The following EMP1 variants were observed in gnomAD, a reference collection of about 807,000 sequenced individuals.
The protein encoded by EMP1 is tumor-associated membrane protein.
Under a neutral mutation model 15.7 loss-of-function variants are expected in EMP1, and 5 were observed. The observed-to-expected ratio is 0.32, with a 90% confidence interval of 0.17 to 0.67. The LOEUF is 0.67. Among genes scored for constraint, EMP1 ranks in the 30% least tolerant of loss-of-function variants. The pLI, the probability that EMP1 is intolerant of heterozygous loss-of-function variation, is 0.74. For synonymous variants in EMP1, 78 were observed against 76.7 expected, an observed-to-expected ratio of 1.02 and a Z score of -0.09; for missense variants, 166 against 194.2, an observed-to-expected ratio of 0.85 and a Z score of 0.86.
rs921380035 is a variant in EMP1, at chr12:13,214,825, A to G, written c.*134A>G. The G allele has an allele frequency of 3.1e-6, 2 of 647,904 alleles. No individual in the cohort carries two copies. Among genetic ancestry groups the G allele is most frequent in the Non-Finnish European group, 5.1e-6 (2 of 391,760 alleles). The allele number at this position is 647,904 out of a possible 1,614,324, so 40.1% of individuals were successfully genotyped here. On this transcript the variant is annotated 3_prime_UTR_variant, in exon 5 of 5. Transcript: ENST00000256951. ...GGGGGAAGCAAAGGGGGGAGGTCAA[A>G]TCCCAAACCATTACTGAGGGGATTC...
rs1565581647 is a variant in EMP1, at chr12:13,219,552, A to G, written c.*4861A>G. On this transcript the variant is annotated 3_prime_UTR_variant, in exon 5 of 5. Transcript: ENST00000256951. ...TTTATAGCAATGCCCCACTCCTGGT[A>G]CCAAATTCCTGTATTAGTCTGTTTT... The G allele has an allele frequency of 1.3e-5, 2 of 152,234 alleles. No individual in the cohort carries two copies. The highest frequency in any genetic ancestry group is 2.9e-5 in the Non-Finnish European group (2 of 68,036). The allele number at this position is 152,234 out of a possible 1,614,324, so 9.4% of individuals were successfully genotyped here.
At chr12:13,199,169 A>G (rs975844996) in intron 1 of EMP1, 3 of 152,382 alleles carry the variant, frequency 2.0e-5, no homozygotes, top group Admixed American at 6.5e-5. Context: ...GAATCTGGCT[A>G]TCTCCCAGGA....
chr12:13,198,329 A>G (rs1864032741), intron 1 of EMP1, among the ~76,000 whole-genome samples: 1 of 152,074 alleles, frequency 6.6e-6, no homozygotes, highest in Non-Finnish European at 1.5e-5. Flanking sequence ...CCATTTCAAC[A>G]TAGACACTGG....
In EMP1 at chr12:13,215,242, G is replaced by T. The variant is rs1329852867; in HGVS notation, c.*551G>T. 6.5e-6 allele frequency: 1 copy of T among 152,890 alleles called. No homozygotes were observed. The highest frequency in any genetic ancestry group is 1.5e-5 in the Non-Finnish European group (1 of 68,590). The allele number at this position is 152,890 out of a possible 1,614,324, so 9.5% of individuals were successfully genotyped here. On this transcript the variant is annotated 3_prime_UTR_variant, in exon 5 of 5. Coordinates refer to ENST00000256951, the MANE Select transcript of EMP1 (RefSeq NM_001423.3). The stretch of plus-strand genomic sequence containing the variant: ...TTTGGAACAGATATTTAGCTCTGTG[G>T]AATTCAGTGACAAAATGGGAGGAGG...
intron 1 of EMP1, among the ~76,000 whole-genome samples, chr12:13,198,256 C>CT (rs1021035483): frequency 6.6e-6 from 1 of 151,924 alleles, no homozygotes; most frequent in Non-Finnish European, 1.5e-5. Context: ...GGTGCTTTTT[C>CT]TTTTTTTTCT....
rs146698147 is a variant in EMP1, at chr12:13,214,594, C to T, written c.377C>T (p.Thr126Met). Residue 126 changes from threonine to methionine, a missense_variant, in exon 5 of 5, where the codon ACG (threonine) becomes ATG (methionine). Transcript: ENST00000256951. ...AGTCATTATGCGAATCGTGATGGAA[C>T]GCAGTATCACCACGGCTATTCCTAC... The part of the protein sequence containing the change: ...YTSHYANRDG[T>M]QYHHGYSYIL... 332 of 1,613,934 alleles carry T rather than the reference C, an allele frequency of 2.1e-4. No homozygotes were observed. The highest frequency in any genetic ancestry group is 1.1e-3 in the African/African-American group (83 of 74,936).
In EMP1 at chr12:13,211,811, G is replaced by A; in HGVS notation, c.78+223G>A. 1.8e-6 allele frequency: 1 copy of A among 561,778 alleles called. No homozygotes were observed. Among genetic ancestry groups the A allele is most frequent in the Non-Finnish European group, 3.1e-6 (1 of 319,104 alleles). The allele number at this position is 561,778 out of a possible 1,614,324, so 34.8% of individuals were successfully genotyped here. On this transcript the variant is annotated intron_variant, in intron 2 of 4. Coordinates refer to ENST00000256951, the MANE Select transcript of EMP1 (RefSeq NM_001423.3). This position sits in a 1 kb window ranked among gnomAD's most constrained non-coding sequence, Gnocchi z 4.7. ...TCCTGCCAGAGCTGTAGGTGGTTAA[G>A]GGCTGGAGGATCTAGTGCAGCTTCT...
chr12:13,209,450 G>A (rs1157294001), intron 1 of EMP1: 1 of 152,206 alleles, frequency 6.6e-6, no homozygotes, highest in Non-Finnish European at 1.5e-5. Flanking sequence ...CTAGACAGCA[G>A]ATATCTTATT....
Position 13,217,999 on chromosome 12 carries a change from G to A in EMP1, c.*3308G>A, listed in dbSNP as rs1210070373. ...ATATTTGTTGAATTAAATGTCTTAG[G>A]TAGAGACAAATTGAATTAAAGTGGT... is the stretch of plus-strand genomic sequence containing the variant. On this transcript the variant is annotated 3_prime_UTR_variant, in exon 5 of 5. Coordinates refer to ENST00000256951, the MANE Select transcript of EMP1 (RefSeq NM_001423.3). The A allele has an allele frequency of 6.6e-6, 1 of 152,108 alleles. No homozygotes were observed. The allele number at this position is 152,108 out of a possible 1,614,324, so 9.4% of individuals were successfully genotyped here.
intron 1 of EMP1, among the ~76,000 whole-genome samples, chr12:13,198,463 G>A (rs1864034070): frequency 6.6e-6 from 1 of 152,162 alleles, no homozygotes; most frequent in Non-Finnish European, 1.5e-5. Context: ...ACCCTGTGTT[G>A]AGCAGGCAAT....
intron 1 of EMP1, among the ~76,000 whole-genome samples, chr12:13,208,079 G>T (rs908537585): frequency 2.0e-5 from 3 of 152,158 alleles, no homozygotes; most frequent in African/African-American, 7.2e-5. Context: ...TTTTAGAGAG[G>T]GCTGAGGGAG....
At chr12:13,202,358 C>T (rs990479747) in intron 1 of EMP1, among the ~76,000 whole-genome samples, 1 of 152,206 alleles carries the variant, frequency 6.6e-6, no homozygotes, top group African/African-American at 2.4e-5. Flanking sequence ...CAATGTTTCT[C>T]CTCTTCCAGG....
chr12:13,212,006 GC>G (rs948391061), intron 2 of EMP1: 1 of 175,682 alleles, frequency 5.7e-6, no homozygotes, highest in African/African-American at 2.4e-5. Context: ...GGAAGGACAA[GC>G]TTTGGTCAGA....
chr12:13,206,444 C>T (rs947298926), intron 1 of EMP1, among the ~76,000 whole-genome samples: 5 of 152,198 alleles, frequency 3.3e-5, no homozygotes, highest in Non-Finnish European at 5.9e-5. Flanking sequence ...GCATCGTCTT[C>T]AGCTCCTGAT....
Position 13,211,474 on chromosome 12 carries a change from T to C in EMP1, c.-37T>C. 6.2e-7 allele frequency: 1 copy of C among 1,607,460 alleles called. No individual in the cohort carries two copies. The highest frequency in any genetic ancestry group is 8.5e-7 in the Non-Finnish European group (1 of 1,176,320). ...CCCTTTCTTTTTCTTTTCAGAACTC[T>C]CTTTGCTCACAAGTTACCAAAAAAA... On this transcript the variant is annotated 5_prime_UTR_variant, in exon 2 of 5. Transcript: ENST00000256951. The surrounding 1 kb of genome is among the most constrained non-coding windows in gnomAD (Gnocchi z 4.7).
chr12:13,211,396 C>T lies in EMP1; in HGVS notation c.-42-73C>T. On this transcript the variant is annotated intron_variant, in intron 1 of 4. Transcript: ENST00000256951. The surrounding 1 kb of genome is among the most constrained non-coding windows in gnomAD (Gnocchi z 4.7). ...CTTCCTCATGTTAGCAGATAGCCCA[C>T]ACGTGTGGGAAAGCTGAGTCGTCTT... 3.0e-6 allele frequency: 3 copies of T among 1,000,344 alleles called. No homozygotes were observed. In the East Asian group the frequency reaches 7.2e-5, roughly 24 times the overall value. 62.0% of individuals were successfully genotyped at this position (1,000,344 alleles called of 1,614,324 possible).
intron 1 of EMP1, among the ~76,000 whole-genome samples, chr12:13,203,719 C>G (rs1864086283): frequency 6.6e-6 from 1 of 152,248 alleles, no homozygotes; most frequent in South Asian, 2.1e-4. Context: ...GGTCACAGTT[C>G]AGACATGGTG....
Position 13,211,768 on chromosome 12 carries a change from G to C in EMP1, c.78+180G>C. 1.5e-6 allele frequency: 1 copy of C among 658,482 alleles called. No homozygotes were observed. The highest frequency in any genetic ancestry group is 2.6e-6 in the Non-Finnish European group (1 of 387,044). The allele number at this position is 658,482 out of a possible 1,614,324, so 40.8% of individuals were successfully genotyped here. On this transcript the variant is annotated intron_variant, in intron 2 of 4. Coordinates refer to ENST00000256951, the MANE Select transcript of EMP1 (RefSeq NM_001423.3). The surrounding 1 kb of genome is among the most constrained non-coding windows in gnomAD (Gnocchi z 4.7). ...AATTAAATAACAGGAGGATAAAAGT[G>C]AATGTCCACAGGAGTAATCCTGCCA...
chr12:13,213,987 G>A (rs1864190794), intron 4 of EMP1, 166 bp downstream of exon 4: 2 of 1,033,212 alleles, frequency 1.9e-6, no homozygotes, highest in South Asian at 1.3e-5. Flanking sequence ...TGCTGCTTAG[G>A]TTAAGAACCC....
Sources: allele counts gnomAD v4.1 joint callset (sites outside exome capture counted in the v4.1 genomes callset), GRCh38; gene constraint gnomAD v4.1.1; non-coding constraint Gnocchi (gnomAD v3.1); transcripts MANE v1.5; gene names NCBI Gene and HGNC (gene_info 2026-07-23, HGNC 2026-07-21).